ANKS1A: variants seen among roughly 807,000 people sequenced by gnomAD.
ANKS1A encodes ankyrin repeat and sterile alpha motif domain containing 1A.
A neutral mutation model predicts 120.3 loss-of-function variants in ANKS1A; 55 were observed. That is an observed-to-expected ratio of 0.46 (90% CI 0.37 to 0.57). ANKS1A has a LOEUF of 0.57. Among genes scored for constraint, ANKS1A ranks in the 20% least tolerant of loss-of-function variants. The pLI is 0.00. For synonymous variants in ANKS1A, 590 were observed against 604.7 expected, an observed-to-expected ratio of 0.98 and a Z score of 0.36; for missense variants, 1,123 against 1,480.3, an observed-to-expected ratio of 0.76 and a Z score of 3.96.
chr6:34,994,552 C>G (rs1464973274), intron 10 of ANKS1A, 130 bp downstream of exon 10: 2 of 1,364,938 alleles, frequency 1.5e-6, no homozygotes, highest in Non-Finnish European at 2.0e-6. Context: ...TCACGATGAT[C>G]TGGGATGGTG....
At chr6:34,926,629 A>G (rs1003872596) in intron 1 of ANKS1A, among the ~76,000 whole-genome samples, 9 of 152,056 alleles carry the variant, frequency 5.9e-5, no homozygotes, top group African/African-American at 1.2e-4. Flanking sequence ...GTAGATTTTT[A>G]TATTGGAACA....
chr6:35,084,250 G>A lies in ANKS1A; in HGVS notation c.3124G>A (p.Val1042Met), dbSNP rs138813662. 556 of 1,614,002 alleles carry A rather than the reference G, an allele frequency of 3.4e-4. No homozygotes were observed. Among genetic ancestry groups the A allele is most frequent in the Non-Finnish European group, 4.3e-4 (509 of 1,179,952 alleles). ...SHHYCHVFST[V>M]DVNLTYEIIL... ...CCACTATTGCCATGTGTTCAGCACC[G>A]TGGATGTGGTGGGTGGGGTCCTGGG... is the stretch of plus-strand genomic sequence containing the variant. Residue 1042 changes from valine (V) to methionine (M), a missense_variant, in exon 21 of 24, where the codon GTG becomes ATG. Around this residue, in one of 3 missense-constraint regions of ANKS1A, gnomAD observed 904 missense variants for 1,130.4 expected, o/e 0.80. Coordinates refer to ENST00000360359, the MANE Select transcript of ANKS1A (RefSeq NM_015245.3). This position sits in a 1 kb window ranked among gnomAD's most constrained non-coding sequence, Gnocchi z 4.8.
In ANKS1A at chr6:34,946,595, A is replaced by AAG. The variant is rs201586651; in HGVS notation, c.198-20643_198-20642insGA. The stretch of plus-strand genomic sequence containing the variant: ...AGAGCAAAACTCTGTCTTGAAAAAA[A>AAG]AAAAAGGGGGGGTTAATCTGGCTAG... On this transcript the variant is annotated intron_variant, in intron 1 of 23. Transcript: ENST00000360359. Among the ~76,000 whole-genome samples, 1,151 of 152,012 alleles carry AAG rather than the reference A, an allele frequency of 7.6e-3. 21 individuals are homozygous for AAG. Among genetic ancestry groups the AAG allele is most frequent in the African/African-American group, 0.025 (1,052 of 41,458 alleles).
intron 11 of ANKS1A, chr6:35,038,355 C>T (rs1775286506): frequency 1.1e-5 from 5 of 456,154 alleles, no homozygotes; most frequent in Non-Finnish European, 1.8e-5. Flanking sequence ...AATACAGTTT[C>T]GACCGGTCCA....
rs147066278 is a variant in ANKS1A, at chr6:35,056,836, G to T, written c.2077+2671G>T. On this transcript the variant is annotated intron_variant, in intron 12 of 23. Coordinates refer to ENST00000360359, the MANE Select transcript of ANKS1A (RefSeq NM_015245.3). ...CTGCACCACTGCCAGGTGCTGAAGC[G>T]TGGAGAGGATGGGCTCAGGCCTGCC... Among the ~76,000 whole-genome samples, 3 of 152,234 alleles carry T rather than the reference G, an allele frequency of 2.0e-5. No homozygotes were observed. The East Asian group carries it at 5.9e-4, about 30-fold the overall frequency.
chr6:35,059,466 A>G (rs1396821835), intron 12 of ANKS1A, among the ~76,000 whole-genome samples: 1 of 152,176 alleles, frequency 6.6e-6, no homozygotes, highest in Non-Finnish European at 1.5e-5. Context: ...GCTGGGGGAA[A>G]ACAAGTAAAA....
chr6:35,044,905 C>T lies in ANKS1A; in HGVS notation c.2011-9194C>T, dbSNP rs1303385876. On this transcript the variant is annotated intron_variant, in intron 11 of 23. Transcript: ENST00000360359. This position sits in a 1 kb window ranked among gnomAD's most constrained non-coding sequence, Gnocchi z 4.4. ...GAGGAGGGTGGTGTGGACTATTTGC[C>T]TGGCATCTGTGGTTTTACGAGGACT... 6.6e-6 allele frequency among the ~76,000 whole-genome samples: 1 copy of T among 152,170 alleles called. No homozygotes were observed. The highest frequency in any genetic ancestry group is 2.1e-4 in the South Asian group (1 of 4,824).
intron 12 of ANKS1A, among the ~76,000 whole-genome samples, chr6:35,054,906 CT>C (rs1201071266): frequency 1.3e-5 from 2 of 152,352 alleles, no homozygotes; most frequent in African/African-American, 4.8e-5. Flanking sequence ...GGTCTGGGCA[CT>C]GGGGCATCCA....
At chr6:34,967,180 T>G (rs1217397976) in intron 1 of ANKS1A, 59 bp from the exon 2 acceptor site, 10 of 1,556,750 alleles carry the variant, frequency 6.4e-6, no homozygotes, top group African/African-American at 1.4e-5. Context: ...ATCTCTAACT[T>G]TGGTTTGTGA....
chr6:35,079,563 C>T lies in ANKS1A; in HGVS notation c.2331C>T (p.Ser777=), dbSNP rs1777552795. 6.2e-7 allele frequency: 1 copy of T among 1,614,000 alleles called. No homozygotes were observed. Among genetic ancestry groups the T allele is most frequent in the Non-Finnish European group, 8.5e-7 (1 of 1,179,984 alleles). Residue 777 remains serine (S), a synonymous_variant, in exon 15 of 24, where the codon TCC becomes TCT. Transcript: ENST00000360359. The stretch of plus-strand genomic sequence containing the variant: ...GGAACAGCCCCCCTAGCGTGCCCTC[C>T]TGGCTGGACTCCCTGGGGCTGCAGG... ...YDGNSPPSVP[S]WLDSLGLQDY...
intron 1 of ANKS1A, among the ~76,000 whole-genome samples, chr6:34,897,714 A>G (rs1046191253): frequency 6.6e-6 from 1 of 152,236 alleles, no homozygotes; most frequent in Admixed American, 6.5e-5. Flanking sequence ...TGGAAATTAT[A>G]TGGTATGTCT....
chr6:34,909,626 T>G (rs1476457837), intron 1 of ANKS1A, among the ~76,000 whole-genome samples: 2 of 152,204 alleles, frequency 1.3e-5, no homozygotes, highest in African/African-American at 4.8e-5. Context: ...AACGGAGTTA[T>G]AGAGAGAAAA....
chr6:34,899,922 C>T (rs1026242808), intron 1 of ANKS1A, among the ~76,000 whole-genome samples: 34 of 152,204 alleles, frequency 2.2e-4, no homozygotes, highest in African/African-American at 8.2e-4. Flanking sequence ...CCAGCCCATA[C>T]TGTAGTATTT....
chr6:35,030,568 A>G, intron 11 of ANKS1A, among the ~76,000 whole-genome samples: 2 of 152,308 alleles, frequency 1.3e-5, no homozygotes. Flanking sequence ...AATAATAGTA[A>G]CTAACTAAAT....
chr6:35,066,497 A>C (rs1037768926), intron 13 of ANKS1A, among the ~76,000 whole-genome samples: 2 of 151,956 alleles, frequency 1.3e-5, no homozygotes, highest in Non-Finnish European at 2.9e-5. Flanking sequence ...GAAGGCTGCC[A>C]TGTCTGCCCA....
chr6:35,091,556 T>G (rs1175639617), downstream of ANKS1A: 2 of 446,952 alleles, frequency 4.5e-6, no homozygotes, highest in Non-Finnish European at 5.9e-6. Flanking sequence ...TTTGGCTTTC[T>G]GTCTCGCACT....
At chr6:35,056,311 C>T (rs943278567) in intron 12 of ANKS1A, among the ~76,000 whole-genome samples, 3 of 152,184 alleles carry the variant, frequency 2.0e-5, no homozygotes, top group South Asian at 2.1e-4. Context: ...TTGTTTGAGA[C>T]GGAGTCTCGC....
At chr6:34,904,327 A>AT (rs1561838648) in intron 1 of ANKS1A, among the ~76,000 whole-genome samples, 1 of 142,848 alleles carries the variant, frequency 7.0e-6, no homozygotes, top group South Asian at 2.2e-4. Context: ...TTTTCTGAAT[A>AT]TTTTTTTTCC....
chr6:35,044,896 A>T lies in ANKS1A; in HGVS notation c.2011-9203A>T, dbSNP rs1775642632. On this transcript the variant is annotated intron_variant, in intron 11 of 23. Coordinates refer to ENST00000360359, the MANE Select transcript of ANKS1A (RefSeq NM_015245.3). This position sits in a 1 kb window ranked among gnomAD's most constrained non-coding sequence, Gnocchi z 4.4. The stretch of plus-strand genomic sequence containing the variant: ...TGTGCAAGGGAGGAGGGTGGTGTGG[A>T]CTATTTGCCTGGCATCTGTGGTTTT... Among the ~76,000 whole-genome samples the T allele has an allele frequency of 1.3e-5, 2 of 152,194 alleles. No homozygotes were observed. The highest frequency in any genetic ancestry group is 4.8e-5 in the African/African-American group (2 of 41,440).
Sources: gnomAD v4.1 joint callset for allele counts (sites outside exome capture counted in the v4.1 genomes callset) on GRCh38, gnomAD v4.1.1 for gene constraint, gnomAD v4.1.1 regional missense constraint, Gnocchi (gnomAD v3.1) non-coding constraint, MANE v1.5 for transcripts, NCBI Gene and HGNC (gene_info 2026-07-23, HGNC 2026-07-21) for gene names.